FER1L6: variants seen among roughly 807,000 people sequenced by gnomAD.
FER1L6 encodes fer-1 like family member 6.
A neutral mutation model predicts 219.2 loss-of-function variants in FER1L6; 177 were observed. The observed-to-expected ratio is 0.81, with a 90% CI of 0.71 to 0.91. The LOEUF (loss-of-function observed/expected upper bound fraction) is 0.91. Among genes scored for constraint, FER1L6 ranks in the 40% least tolerant of loss-of-function variants. FER1L6 has a pLI of 0.00. For synonymous variants in FER1L6, 768 were observed against 824.3 expected, an observed-to-expected ratio of 0.93 and a Z score of 1.17; for missense variants, 2,153 against 2,259.9, an observed-to-expected ratio of 0.95 and a Z score of 0.96.
At chr8:124,027,676 T>TA (rs558258708) in intron 18 of FER1L6, among the ~76,000 whole-genome samples, 7 of 152,170 alleles carry the variant, frequency 4.6e-5, no homozygotes, top group Non-Finnish European at 1.0e-4. Context: ...CCTCCCACCT[T>TA]AGCCTCCTGA....
chr8:124,003,692 C>T (rs1279487197), intron 13 of FER1L6, among the ~76,000 whole-genome samples: 2 of 152,010 alleles, frequency 1.3e-5, no homozygotes, highest in Non-Finnish European at 2.9e-5. Flanking sequence ...TGGTCTCAAT[C>T]TCCTGATCTC....
chr8:123,896,747 A>G (rs1812748097), intron 1 of FER1L6, among the ~76,000 whole-genome samples: 3 of 152,220 alleles, frequency 2.0e-5, no homozygotes, highest in Non-Finnish European at 4.4e-5. Context: ...GTAAAATAGT[A>G]TCTGTCTCTA....
intron 1 of FER1L6, among the ~76,000 whole-genome samples, chr8:123,926,192 A>C (rs1371254957): frequency 2.0e-5 from 3 of 152,186 alleles, no homozygotes; most frequent in Admixed American, 2.0e-4. Context: ...TGCTTCTCAG[A>C]CTTGGGATGC....
intron 38 of FER1L6, among the ~76,000 whole-genome samples, chr8:124,102,152 A>G (rs1182924370): frequency 1.3e-5 from 2 of 152,204 alleles, no homozygotes; most frequent in African/African-American, 4.8e-5. Flanking sequence ...TGATGTTAAC[A>G]GTAATGAGGC....
chr8:124,105,240 A>G lies in FER1L6; in HGVS notation c.5289+1931A>G, dbSNP rs543541310. Reference sequence around the variant, plus strand: ...AGGCGAATGGCCTGAGGTAGGAATGAGTTTAGTGCTTTGGATAAACTAAAA... The same window carrying G: ...AGGCGAATGGCCTGAGGTAGGAATGGGTTTAGTGCTTTGGATAAACTAAAA... On this transcript the variant is annotated intron_variant, in intron 39 of 40. Coordinates refer to ENST00000522917, the MANE Select transcript of FER1L6 (RefSeq NM_001039112.2). Among the ~76,000 whole-genome samples, 5 of 152,362 alleles carry G rather than the reference A, an allele frequency of 3.3e-5. No homozygotes were observed. In the East Asian group the frequency reaches 9.6e-4, roughly 29 times the overall value.
intron 6 of FER1L6, among the ~76,000 whole-genome samples, chr8:123,972,009 G>A (rs1422227005): frequency 6.6e-6 from 1 of 152,198 alleles, no homozygotes; most frequent in Non-Finnish European, 1.5e-5. Flanking sequence ...TTGCCCACAG[G>A]GACTCTCAAC....
At position 124,038,292 on chromosome 8, in the gene FER1L6, T is replaced by C. The variant is rs542568629; in HGVS notation, c.2465-1590T>C. On this transcript the variant is annotated intron_variant, in intron 19 of 40. Coordinates refer to ENST00000522917, the MANE Select transcript of FER1L6 (RefSeq NM_001039112.2). ...ACCTCCGCTATGGTCTGCCCCTTTT[T>C]CTTTGAATGTGCTTTGGTGAATGTG... Among the ~76,000 whole-genome samples, 260 of 152,380 alleles carry C rather than the reference T, an allele frequency of 1.7e-3. 1 individual carries two copies. The highest frequency in any genetic ancestry group is 5.9e-3 in the African/African-American group (246 of 41,594).
At chr8:124,065,400 C>CAA (rs60695255) in intron 26 of FER1L6, among the ~76,000 whole-genome samples, 771 of 54,978 alleles carry the variant, frequency 0.014, 19 homozygotes, top group Middle Eastern at 0.044. Context: ...GCCTCCATCT[C>CAA]AAAAAAAAAA....
intron 1 of FER1L6, among the ~76,000 whole-genome samples, chr8:123,940,888 AAG>A (rs1814214232): frequency 6.6e-6 from 1 of 152,160 alleles, no homozygotes; most frequent in South Asian, 2.1e-4. Context: ...AGCACAGGGA[AAG>A]AGGGGAAGGA....
At chr8:124,026,903 T>G (rs1239006001) in intron 18 of FER1L6, among the ~76,000 whole-genome samples, 4 of 152,174 alleles carry the variant, frequency 2.6e-5, no homozygotes, top group African/African-American at 7.2e-5. Flanking sequence ...TATCTCATGG[T>G]TCTGAAGGTT....
intron 2 of FER1L6, among the ~76,000 whole-genome samples, chr8:123,959,558 A>C (rs1055847701): frequency 6.6e-6 from 1 of 152,202 alleles, no homozygotes; most frequent in Non-Finnish European, 1.5e-5. Flanking sequence ...GTAGCTACTG[A>C]GCACCTACAA....
intron 35 of FER1L6, 29 bp from the exon 36 acceptor site, chr8:124,097,241 GC>G: frequency 6.4e-7 from 1 of 1,571,600 alleles, no homozygotes; most frequent in Non-Finnish European, 8.8e-7. Context: ...CCCTCCCAAA[GC>G]TAAAGAAGAT....
At chr8:123,973,018 G>C (rs1464641980) in intron 6 of FER1L6, among the ~76,000 whole-genome samples, 2 of 152,190 alleles carry the variant, frequency 1.3e-5, no homozygotes, top group African/African-American at 2.4e-5. Context: ...GGCAATATGT[G>C]ATGAGTTCTC....
In FER1L6 at chr8:124,061,897, G is replaced by T. The variant is rs373293197; in HGVS notation, c.3193G>T (p.Val1065Leu). Residue 1065 changes from valine to leucine, a missense_variant, in exon 25 of 41, where the codon GTG becomes TTG. By Grantham distance (32) the Val-to-Leu change is conservative (BLOSUM62 1). Coordinates refer to ENST00000522917, the MANE Select transcript of FER1L6 (RefSeq NM_001039112.2). ...TCTGCACCCGCCACTGAGCATCTGC[G>T]TGGTGGACTGGAGAGCTTTTGGGAG... Reference protein sequence around the residue: ...ELLHPPLSICVVDWRAFGRST... With the variant: ...ELLHPPLSICLVDWRAFGRST... 2.5e-6 allele frequency: 4 copies of T among 1,614,006 alleles called. No homozygotes were observed. The African/African-American group carries it at 4.0e-5, about 16-fold the overall frequency.
intron 31 of FER1L6, among the ~76,000 whole-genome samples, chr8:124,074,225 G>C (rs567155453): frequency 7.1e-4 from 108 of 152,298 alleles, no homozygotes; most frequent in African/African-American, 2.5e-3. Context: ...CATTCAACTG[G>C]TCAGTGCTAA....
At chr8:124,042,028 G>A (rs1819522857) in intron 20 of FER1L6, among the ~76,000 whole-genome samples, 1 of 152,116 alleles carries the variant, frequency 6.6e-6, no homozygotes, top group South Asian at 2.1e-4. Context: ...TGTTGTAATT[G>A]AGGCTTCCTT....
chr8:123,865,934 C>T (rs1275026223), intron 1 of FER1L6, among the ~76,000 whole-genome samples: 4 of 151,326 alleles, frequency 2.6e-5, no homozygotes, highest in African/African-American at 9.8e-5. Context: ...CAGAAATCAC[C>T]CGTCTTCTGC....
intron 25 of FER1L6, 124 bp downstream of exon 25, chr8:124,062,156 T>G (rs1196197009): frequency 8.9e-6 from 9 of 1,008,890 alleles, no homozygotes; most frequent in Non-Finnish European, 1.2e-5. Context: ...ATCTTTCTGA[T>G]GAGCTTGCTC....
At chr8:123,932,395 C>T (rs1302359306) in intron 1 of FER1L6, among the ~76,000 whole-genome samples, 1 of 152,172 alleles carries the variant, frequency 6.6e-6, no homozygotes, top group African/African-American at 2.4e-5. Context: ...AGGTGTGAGC[C>T]ACCGTGCCAG....
Sources: allele counts gnomAD v4.1 joint callset (sites outside exome capture counted in the v4.1 genomes callset), GRCh38; gene constraint gnomAD v4.1.1; transcripts MANE v1.5; gene names NCBI Gene and HGNC (gene_info 2026-07-23, HGNC 2026-07-21).